Variants in NUP210L observed in about 807,000 individuals in gnomAD.
NUP210L encodes the protein nuclear pore membrane glycoprotein 210-like.
A neutral mutation model predicts 208.5 loss-of-function variants in NUP210L; 74 were observed. The ratio of observed to expected loss-of-function variants is 0.35; its 90% CI spans 0.29 to 0.43. The LOEUF (loss-of-function observed/expected upper bound fraction) is 0.43, where lower values mean the gene tolerates loss of function less well. NUP210L is among the 20% of genes least tolerant of loss of function. NUP210L has a pLI of 1.00. For synonymous variants in NUP210L, 780 were observed against 816.9 expected, an observed-to-expected ratio of 0.95 and a Z score of 0.77; for missense variants, 1,843 against 2,289.4, an observed-to-expected ratio of 0.81 and a Z score of 3.98.
chr1:154,079,162 G>C (rs2148026889), intron 16 of NUP210L, among the ~76,000 whole-genome samples: 1 of 152,200 alleles, frequency 6.6e-6, no homozygotes, highest in Admixed American at 6.5e-5. Flanking sequence ...AGGAGGCTGA[G>C]GTGGGAGGAT....
intron 15 of NUP210L, among the ~76,000 whole-genome samples, chr1:154,094,209 G>C (rs954906651): frequency 6.6e-6 from 1 of 152,130 alleles, no homozygotes; most frequent in Admixed American, 6.6e-5. Context: ...CTTGAACCCG[G>C]AAGGCAGAGG....
At chr1:154,045,846 A>G (rs1462953884) in intron 27 of NUP210L, among the ~76,000 whole-genome samples, 4 of 152,116 alleles carry the variant, frequency 2.6e-5, no homozygotes, top group Non-Finnish European at 4.4e-5. Context: ...TTAGCCAGGC[A>G]TGATGGCATG....
rs767812424 is a variant in NUP210L, at chr1:154,117,815, C to T, written c.1530G>A (p.Thr510=). Residue 510 remains threonine, a synonymous_variant, in exon 12 of 40, where the codon ACG becomes ACA. Coordinates refer to ENST00000368559, the Ensembl canonical transcript of NUP210L. ...CCTGACCTGCAGTCACCACTCCTTT[C>T]GTGGTTACTATGACCACTGTTTCAT... 9.3e-6 allele frequency: 15 copies of T among 1,607,976 alleles called. No homozygotes were observed. The South Asian group carries it at 1.2e-4, about 13-fold the overall frequency.
chr1:154,084,679 C>T (rs556940157), intron 16 of NUP210L, among the ~76,000 whole-genome samples: 1 of 150,864 alleles, frequency 6.6e-6, no homozygotes, highest in Non-Finnish European at 1.5e-5. Context: ...TGCCATGTTG[C>T]CCAGGCTGGT....
At chr1:154,066,595 A>G (rs1654430519) in intron 17 of NUP210L, among the ~76,000 whole-genome samples, 1 of 152,238 alleles carries the variant, frequency 6.6e-6, no homozygotes, top group South Asian at 2.1e-4. Context: ...TGGGCGAAAG[A>G]GCGAGACTCC....
intron 13 of NUP210L, among the ~76,000 whole-genome samples, chr1:154,101,111 G>T (rs1656448570): frequency 6.8e-6 from 1 of 146,778 alleles, no homozygotes; most frequent in Admixed American, 7.0e-5. Flanking sequence ...GGCAGAGGTT[G>T]CCGTGAGCCG....
At chr1:154,121,753 G>A (rs969125775) in intron 10 of NUP210L, among the ~76,000 whole-genome samples, 13 of 151,934 alleles carry the variant, frequency 8.6e-5, no homozygotes, top group African/African-American at 3.1e-4. Context: ...TGTAATCCCA[G>A]CTACTCGGGA....
chr1:154,019,106 T>C lies in NUP210L; in HGVS notation c.4517-37A>G, dbSNP rs781564803. 6.2e-6 allele frequency: 10 copies of C among 1,610,136 alleles called. No individual in the cohort carries two copies. In the Admixed American group the frequency reaches 6.7e-5, roughly 11 times the overall value. ...CAAGAGAAAACACTTGGCTGAAGCC[T>C]TTGATATAAATCACTCTGGACTTAT... is the stretch of plus-strand genomic sequence containing the variant. On this transcript the variant is annotated intron_variant, in intron 32 of 39. Coordinates refer to ENST00000368559, the Ensembl canonical transcript of NUP210L.
In NUP210L at chr1:154,022,351, T is replaced by C; in HGVS notation, c.4299-8A>G. On this transcript the variant is annotated splice_region_variant and splice_polypyrimidine_tract_variant and intron_variant, in intron 31 of 39. Coordinates refer to ENST00000368559, the Ensembl canonical transcript of NUP210L. ...ATATGCAGCAAGTCATCTCTGCAAG[T>C]AGACATTAAAGGTAGAAATCTTTAA... The C allele has an allele frequency of 6.2e-7, 1 of 1,607,158 alleles. No homozygotes were observed. Among genetic ancestry groups the C allele is most frequent in the Non-Finnish European group, 8.5e-7 (1 of 1,173,658 alleles).
chr1:154,103,443 C>A (rs1215285988), intron 13 of NUP210L, among the ~76,000 whole-genome samples: 2 of 150,710 alleles, frequency 1.3e-5, no homozygotes, highest in African/African-American at 2.4e-5. Context: ...GAGGCCGAGG[C>A]GGGCGGATCA....
At chr1:154,153,196 G>C (rs1659489694) in intron 1 of NUP210L, among the ~76,000 whole-genome samples, 2 of 151,922 alleles carry the variant, frequency 1.3e-5, no homozygotes, top group South Asian at 4.1e-4. Flanking sequence ...TCTGAGGAAA[G>C]TTTCCTTCAA....
At chr1:154,147,238 AG>A (rs1413613366) in intron 2 of NUP210L, among the ~76,000 whole-genome samples, 2 of 151,742 alleles carry the variant, frequency 1.3e-5, no homozygotes, top group Admixed American at 6.6e-5. Flanking sequence ...TGCAATGGGA[AG>A]GGCCCTTCAA....
chr1:154,024,922 G>GTTTTTTT (rs71096508), intron 30 of NUP210L, among the ~76,000 whole-genome samples: 31 of 83,674 alleles, frequency 3.7e-4, no homozygotes, highest in Non-Finnish European at 5.3e-4. Flanking sequence ...AGGCTGATCT[G>GTTTTTTT]TTTTTTTTTT....
At chr1:154,132,322 C>T (rs1389575159) in intron 7 of NUP210L, among the ~76,000 whole-genome samples, 1 of 152,178 alleles carries the variant, frequency 6.6e-6, no homozygotes, top group Non-Finnish European at 1.5e-5. Flanking sequence ...GATCCTCAAT[C>T]TTTCTTGATC....
chr1:154,055,364 C>T (rs975698271), intron 23 of NUP210L, among the ~76,000 whole-genome samples: 3 of 151,958 alleles, frequency 2.0e-5, no homozygotes, highest in African/African-American at 2.4e-5. Flanking sequence ...GATTCTCCTG[C>T]CTCAGCCTCC....
chr1:154,135,809 G>T lies in NUP210L; in HGVS notation c.1009+5C>A. On this transcript the variant is annotated splice_donor_5th_base_variant and intron_variant, in intron 7 of 39. Transcript: ENST00000368559. ...CTGGCAGCTAAAACTTGAACAAAAG[G>T]ATACTTTTATGGACAAAGACAAGAT... 1 of 1,612,898 alleles carries T rather than the reference G, an allele frequency of 6.2e-7. No homozygotes were observed. Among genetic ancestry groups the T allele is most frequent in the Non-Finnish European group, 8.5e-7 (1 of 1,178,988 alleles).
intron 37 of NUP210L, among the ~76,000 whole-genome samples, chr1:153,997,715 CAG>C (rs1282619377): frequency 2.3e-5 from 3 of 130,942 alleles, no homozygotes; most frequent in African/African-American, 8.2e-5. Context: ...TTTTTTGAGA[CAG>C]AGTCTTGCTC....
intron 15 of NUP210L, among the ~76,000 whole-genome samples, chr1:154,092,538 T>G (rs542424228): frequency 7.0e-6 from 1 of 142,046 alleles, no homozygotes; most frequent in Admixed American, 7.7e-5. Context: ...CCTGGCTAGT[T>G]TTTTGTTTTT....
In NUP210L at chr1:153,992,970, G is replaced by C. The variant is rs371401299; in HGVS notation, c.5567-35C>G. ...GAGGGAAAAGTTGAGTGAATTAAAC[G>C]TGTGTATCTGAGCTTTTCAAAGATG... On this transcript the variant is annotated intron_variant, in intron 39 of 39. Transcript: ENST00000368559. The C allele has an allele frequency of 8.1e-6, 13 of 1,606,372 alleles. No homozygotes were observed. The South Asian group carries it at 1.0e-4, about 12-fold the overall frequency.
Sources: allele counts gnomAD v4.1 joint callset (sites outside exome capture counted in the v4.1 genomes callset), GRCh38; gene constraint gnomAD v4.1.1; transcripts MANE v1.5; gene names NCBI Gene and HGNC (gene_info 2026-07-23, HGNC 2026-07-21).